Variants in OSBPL1A observed in about 807,000 individuals in gnomAD.
OSBPL1A encodes the protein oxysterol binding protein like 1A, also known as oxysterol-binding protein-related protein 1.
OSBPL1A carries 80 observed loss-of-function variants against 137.1 expected under a neutral mutation model. The ratio of observed to expected loss-of-function variants is 0.58; its 90% CI spans 0.49 to 0.70. OSBPL1A has a LOEUF of 0.70. OSBPL1A is among the 30% of genes least tolerant of loss of function. The pLI, the probability that OSBPL1A is intolerant of heterozygous loss-of-function variation, is 0.00. For synonymous variants in OSBPL1A, 365 were observed against 389.7 expected (o/e 0.94, Z 0.75); for missense variants, 970 against 1,129.4 (o/e 0.86, Z 2.02).
At chr18:24,216,066 G>A (rs901362815) in intron 17 of OSBPL1A, among the ~76,000 whole-genome samples, 1 of 152,142 alleles carries the variant, frequency 6.6e-6, no homozygotes. Context: ...AGAAAATAAC[G>A]AGACCTCTGA....
intron 14 of OSBPL1A, among the ~76,000 whole-genome samples, chr18:24,282,613 T>C (rs1473847174): frequency 6.6e-6 from 1 of 152,170 alleles, no homozygotes; most frequent in African/African-American, 2.4e-5. Flanking sequence ...ATATATCACT[T>C]AAAAACAAGT....
chr18:24,345,422 C>T (rs2091330909), intron 4 of OSBPL1A, among the ~76,000 whole-genome samples: 3 of 152,190 alleles, frequency 2.0e-5, no homozygotes, highest in Admixed American at 6.5e-5. Flanking sequence ...CACTGTGGCT[C>T]ACGCCTGTAA....
At chr18:24,335,965 T>C (rs779449749) in intron 5 of OSBPL1A, among the ~76,000 whole-genome samples, 10 of 152,232 alleles carry the variant, frequency 6.6e-5, no homozygotes, top group Non-Finnish European at 1.5e-4. Context: ...CTGTAGACTG[T>C]CCATGGCTTC....
At chr18:24,391,803 C>T (rs1003254485) in intron 1 of OSBPL1A, among the ~76,000 whole-genome samples, 2 of 152,154 alleles carry the variant, frequency 1.3e-5, no homozygotes, top group Non-Finnish European at 2.9e-5. Flanking sequence ...CATTTTATCA[C>T]ACACAAAAAA....
At chr18:24,276,610 A>AT (rs925563522) in intron 15 of OSBPL1A, among the ~76,000 whole-genome samples, 1 of 151,646 alleles carries the variant, frequency 6.6e-6, no homozygotes, top group African/African-American at 2.4e-5. Context: ...CACCTGGCTA[A>AT]TTTTTTGTAT....
intron 15 of OSBPL1A, among the ~76,000 whole-genome samples, chr18:24,242,520 C>G (rs911649737): frequency 6.6e-6 from 1 of 152,120 alleles, no homozygotes; most frequent in African/African-American, 2.4e-5. Flanking sequence ...CTCCTCCCCA[C>G]AGCCCCCAAG....
intron 13 of OSBPL1A, among the ~76,000 whole-genome samples, chr18:24,308,752 T>C (rs1221582280): frequency 6.6e-6 from 1 of 151,574 alleles, no homozygotes; most frequent in African/African-American, 2.4e-5. Flanking sequence ...TAGTTAAATA[T>C]AGTTAAAATG....
chr18:24,369,274 A>G (rs1400959048), intron 2 of OSBPL1A, among the ~76,000 whole-genome samples: 1 of 152,222 alleles, frequency 6.6e-6, no homozygotes, highest in Non-Finnish European at 1.5e-5. Context: ...AGATCTTAGG[A>G]GTAGAGCTGA....
In OSBPL1A at chr18:24,163,125, CAT is replaced by C; in HGVS notation, c.*52_*53del. On this transcript the variant is annotated 3_prime_UTR_variant, in exon 28 of 28. Coordinates refer to ENST00000319481, the MANE Select transcript of OSBPL1A (RefSeq NM_080597.4). ...AAACCAAGGGAAAAAAATTTAAAAA[CAT>C]AGGTTTAAGACTTATTTGTAGATTA... The C allele has an allele frequency of 7.5e-7, 1 of 1,331,958 alleles. No homozygotes were observed. Among genetic ancestry groups the C allele is most frequent in the Non-Finnish European group, 1.0e-6 (1 of 958,432 alleles). The allele number at this position is 1,331,958 out of a possible 1,614,324, so 82.5% of individuals were successfully genotyped here.
intron 5 of OSBPL1A, among the ~76,000 whole-genome samples, chr18:24,337,420 A>ATAACATAACATAACATAACAT (rs1290686431): frequency 6.6e-6 from 1 of 151,720 alleles, no homozygotes; most frequent in Non-Finnish European, 1.5e-5. Flanking sequence ...ATAACATAAC[A>ATAACATAACATAACATAACAT]TAAAGCCAGG....
At chr18:24,212,958 T>C (rs188922785) in intron 17 of OSBPL1A, among the ~76,000 whole-genome samples, 1 of 152,362 alleles carries the variant, frequency 6.6e-6, no homozygotes, top group East Asian at 1.9e-4. Context: ...ACTGTTATTA[T>C]AATGTACCCT....
chr18:24,264,171 A>T (rs1203110839), intron 15 of OSBPL1A, among the ~76,000 whole-genome samples: 1 of 152,202 alleles, frequency 6.6e-6, no homozygotes, highest in Non-Finnish European at 1.5e-5. Flanking sequence ...CTGTGGATGA[A>T]CCACAAACCA....
chr18:24,250,365 G>A (rs976985535), intron 15 of OSBPL1A, among the ~76,000 whole-genome samples: 20 of 151,910 alleles, frequency 1.3e-4, no homozygotes, highest in African/African-American at 4.6e-4. Context: ...TAGTAGAGAC[G>A]GGGTTTTGCC....
chr18:24,394,997 G>GA (rs1310725991), intron 1 of OSBPL1A, among the ~76,000 whole-genome samples: 2 of 152,284 alleles, frequency 1.3e-5, no homozygotes, highest in Non-Finnish European at 2.9e-5. Flanking sequence ...GCCACGTGAG[G>GA]AAAAACATTT....
Position 24,271,883 on chromosome 18 carries a change from C to CCCGCG in OSBPL1A, c.1281+8954_1281+8958dup. On this transcript the variant is annotated intron_variant, in intron 15 of 27. Transcript: ENST00000319481. The surrounding 1 kb of genome is among the most constrained non-coding windows in gnomAD (Gnocchi z 4.0). ...CGTTGCCCGCCAGCGGCCCAGGACT[C>CCCGCG]CCGCGCCGCGCCCGCCCGGGCCGCA... 1.1e-5 allele frequency: 11 copies of CCCGCG among 984,846 alleles called. No individual in the cohort carries two copies. Among genetic ancestry groups the CCCGCG allele is most frequent in the South Asian group, 4.7e-5 (1 of 21,318 alleles). 61.0% of individuals were successfully genotyped at this position (984,846 alleles called of 1,614,324 possible). A position where few individuals can be genotyped will look rare whatever the true frequency, so the allele number is the denominator to read the frequency against.
chr18:24,201,961 T>A (rs1015553401), intron 17 of OSBPL1A, among the ~76,000 whole-genome samples: 1 of 152,120 alleles, frequency 6.6e-6, no homozygotes, highest in African/African-American at 2.4e-5. Flanking sequence ...AACACAAAGG[T>A]AGGCAAAATT....
chr18:24,330,055 A>G (rs1484429869), intron 7 of OSBPL1A, among the ~76,000 whole-genome samples: 1 of 152,192 alleles, frequency 6.6e-6, no homozygotes, highest in African/African-American at 2.4e-5. Flanking sequence ...GCACCTTTTT[A>G]TCCTGAGGCT....
intron 5 of OSBPL1A, among the ~76,000 whole-genome samples, chr18:24,339,767 T>C (rs1050756289): frequency 6.6e-6 from 1 of 152,188 alleles, no homozygotes; most frequent in Non-Finnish European, 1.5e-5. Flanking sequence ...TATAACACAG[T>C]GTCTGATAGA....
At chr18:24,259,405 C>G (rs1398846652) in intron 15 of OSBPL1A, among the ~76,000 whole-genome samples, 2 of 152,162 alleles carry the variant, frequency 1.3e-5, no homozygotes, top group African/African-American at 4.8e-5. Context: ...CTTTTGCCCT[C>G]CAGCTAACAG....
Sources: allele counts gnomAD v4.1 joint callset (sites outside exome capture counted in the v4.1 genomes callset), GRCh38; gene constraint gnomAD v4.1.1; non-coding constraint Gnocchi (gnomAD v3.1); transcripts MANE v1.5; gene names NCBI Gene and HGNC (gene_info 2026-07-23, HGNC 2026-07-21).